The following FBLIM1 variants were observed in gnomAD, a reference collection of about 807,000 sequenced individuals.
FBLIM1 encodes the protein filamin-binding LIM protein 1.
A neutral mutation model predicts 37.4 loss-of-function variants in FBLIM1; 29 were observed. The ratio of observed to expected loss-of-function variants is 0.77; its 90% CI spans 0.58 to 1.06. The LOEUF is 1.06. Among genes scored for constraint, FBLIM1 ranks in the 50% least tolerant of loss-of-function variants. The pLI, the probability that FBLIM1 is intolerant of heterozygous loss-of-function variation, is 0.00. For synonymous variants in FBLIM1, 193 were observed against 199.0 expected (o/e 0.97, Z 0.25); for missense variants, 449 against 505.6 (o/e 0.89, Z 1.07).
At chr1:15,774,826 G>A (rs759274265) in intron 7 of FBLIM1, 30 bp downstream of exon 7, 6 of 1,614,006 alleles carry the variant, frequency 3.7e-6, no homozygotes, top group Non-Finnish European at 5.1e-6. Context: ...ACTGGGTGGG[G>A]TGCAGGGACA....
chr1:15,759,259 C>G (rs920774937), intron 1 of FBLIM1, among the ~76,000 whole-genome samples: 1 of 152,200 alleles, frequency 6.6e-6, no homozygotes, highest in African/African-American at 2.4e-5. Flanking sequence ...CGGAGGGTCC[C>G]GCGTTTCCGG....
chr1:15,757,435 A>C (rs771046339), upstream of FBLIM1, among the ~76,000 whole-genome samples: 1 of 152,204 alleles, frequency 6.6e-6, no homozygotes, highest in East Asian at 1.9e-4. The surrounding 1 kb of genome is among the most constrained non-coding windows in gnomAD (Gnocchi z 4.1). Context: ...GATGGGTACC[A>C]GCACCTAGAA....
intron 1 of FBLIM1, among the ~76,000 whole-genome samples, chr1:15,761,225 T>C (rs2068660825): frequency 6.6e-6 from 1 of 152,062 alleles, no homozygotes; most frequent in African/African-American, 2.4e-5. Context: ...GATTGGGCCA[T>C]TGTAGAGTGA....
intron 1 of FBLIM1, among the ~76,000 whole-genome samples, chr1:15,759,487 C>A (rs1490971084): frequency 2.0e-5 from 3 of 152,132 alleles, no homozygotes; most frequent in Non-Finnish European, 4.4e-5. Context: ...AGGCTGGGGC[C>A]GCGCCCAGAT....
At chr1:15,779,592 T>C (rs1419459333) in intron 8 of FBLIM1, among the ~76,000 whole-genome samples, 1 of 152,138 alleles carries the variant, frequency 6.6e-6, no homozygotes, top group Non-Finnish European at 1.5e-5. Flanking sequence ...TGTGAGCCAC[T>C]GCACCCGGCC....
intron 6 of FBLIM1, among the ~76,000 whole-genome samples, chr1:15,772,302 G>T (rs2069255817): frequency 6.6e-6 from 1 of 152,208 alleles, no homozygotes; most frequent in African/African-American, 2.4e-5. Context: ...AGAGGAGCCA[G>T]GCCCTCCCTG....
intron 1 of FBLIM1, among the ~76,000 whole-genome samples, chr1:15,762,480 C>T (rs2068720979): frequency 6.6e-6 from 1 of 152,092 alleles, no homozygotes; most frequent in Non-Finnish European, 1.5e-5. Flanking sequence ...CCAGGCTGGT[C>T]TTGAACTCCT....
At chr1:15,779,092 C>T (rs1249984121) in intron 8 of FBLIM1, among the ~76,000 whole-genome samples, 2 of 151,876 alleles carry the variant, frequency 1.3e-5, no homozygotes, top group Non-Finnish European at 1.5e-5. Flanking sequence ...CGTGCCACCA[C>T]GCCCGGCTAA....
intron 4 of FBLIM1, 142 bp from the exon 5 acceptor site, chr1:15,768,386 C>T (rs1021245866): frequency 5.7e-6 from 3 of 530,104 alleles, no homozygotes; most frequent in African/African-American, 4.0e-5. Flanking sequence ...GAGAGACTTA[C>T]GCAGGTCCCT....
At chr1:15,760,079 C>T (rs1275722002) in intron 1 of FBLIM1, among the ~76,000 whole-genome samples, 1 of 151,246 alleles carries the variant, frequency 6.6e-6, no homozygotes, top group Non-Finnish European at 1.5e-5. Context: ...CAAAAATTAG[C>T]CGGGTGTGGT....
At chr1:15,775,057 AAAT>A in intron 7 of FBLIM1, 2 of 667,784 alleles carry the variant, frequency 3.0e-6, no homozygotes, top group Non-Finnish European at 4.8e-6. Flanking sequence ...TCTCTACTAA[AAAT>A]ACAAAAAAAA....
chr1:15,784,409 T>C (rs1297103978), intron 8 of FBLIM1, 139 bp from the exon 9 acceptor site: 1 of 623,300 alleles, frequency 1.6e-6, no homozygotes. Flanking sequence ...AGGGCAGCAG[T>C]GAGCAGCCTC....
chr1:15,761,240 A>C (rs182344378), intron 1 of FBLIM1, among the ~76,000 whole-genome samples: 2 of 152,288 alleles, frequency 1.3e-5, no homozygotes, highest in African/African-American at 4.8e-5. Context: ...GAGTGAGAAC[A>C]GGCCTGGGAA....
chr1:15,766,107 T>C (rs1262129836), intron 3 of FBLIM1, among the ~76,000 whole-genome samples: 1 of 152,098 alleles, frequency 6.6e-6, no homozygotes, highest in Non-Finnish European at 1.5e-5. Context: ...ATTTGCATTT[T>C]TTTTTTTCGA....
intron 6 of FBLIM1, 29 bp from the exon 7 acceptor site, chr1:15,774,589 G>A: frequency 6.3e-7 from 1 of 1,590,610 alleles, no homozygotes; most frequent in Non-Finnish European, 8.6e-7. Flanking sequence ...GTGTGTCGTG[G>A]ATGGTTCTGG....
rs2069738587 is a variant in FBLIM1 at position 15,785,014 on chromosome 1, G to A, written c.*353G>A. The A allele has an allele frequency of 5.2e-6, 1 of 192,664 alleles. No homozygotes were observed. The highest frequency in any genetic ancestry group is 1.2e-4 in the East Asian group (1 of 8,600). 11.9% of individuals were successfully genotyped at this position (192,664 alleles called of 1,614,324 possible). A position where few individuals can be genotyped will look rare whatever the true frequency, so the allele number is the denominator to read the frequency against. ...TCGCCTGTGGGGTTGAGCTGTTTGA[G>A]GACAAACTCCAAGGTCCCTTAAAAA... On this transcript the variant is annotated 3_prime_UTR_variant, in exon 9 of 9. Coordinates refer to ENST00000375766, the MANE Select transcript of FBLIM1 (RefSeq NM_017556.4).
chr1:15,764,260 G>T (rs758794036), intron 1 of FBLIM1, among the ~76,000 whole-genome samples: 2 of 152,182 alleles, frequency 1.3e-5, no homozygotes, highest in Non-Finnish European at 2.9e-5. Context: ...TCTGAGTCTC[G>T]ATTTCTTGAT....
At position 15,767,569 on chromosome 1, in the gene FBLIM1, G is replaced by T; in HGVS notation, c.438+6G>T. On this transcript the variant is annotated splice_donor_region_variant and intron_variant, in intron 4 of 8. Coordinates refer to ENST00000375766, the MANE Select transcript of FBLIM1 (RefSeq NM_017556.4). The stretch of plus-strand genomic sequence containing the variant: ...CGCCCCCGCCCCCACCACAGGTACT[G>T]CCTGCCCCCCGACCCCCAGCAATCC... 9.6e-7 allele frequency: 1 copy of T among 1,043,212 alleles called. No individual in the cohort carries two copies. Among genetic ancestry groups the T allele is most frequent in the Non-Finnish European group, 1.3e-6 (1 of 746,180 alleles). 64.6% of individuals were successfully genotyped at this position (1,043,212 alleles called of 1,614,324 possible). A position where few individuals can be genotyped will look rare whatever the true frequency, so the allele number is the denominator to read the frequency against.
chr1:15,772,602 G>A (rs936853765), intron 6 of FBLIM1, among the ~76,000 whole-genome samples: 6 of 152,110 alleles, frequency 3.9e-5, no homozygotes, highest in South Asian at 4.1e-4. Flanking sequence ...GCCCTGCCTC[G>A]GGAATCTCTT....
Sources: allele counts gnomAD v4.1 joint callset (sites outside exome capture counted in the v4.1 genomes callset), GRCh38; gene constraint gnomAD v4.1.1; non-coding constraint Gnocchi (gnomAD v3.1); transcripts MANE v1.5; gene names NCBI Gene and HGNC (gene_info 2026-07-23, HGNC 2026-07-21).